The following NAALADL2 variants were observed in gnomAD, a reference collection of about 807,000 sequenced individuals.
NAALADL2 encodes N-acetylated alpha-linked acidic dipeptidase like 2, also known as inactive N-acetylated-alpha-linked acidic dipeptidase-like protein 2.
A neutral mutation model predicts 87.2 loss-of-function variants in NAALADL2; 76 were observed. The ratio of observed to expected loss-of-function variants is 0.87; its 90% CI spans 0.72 to 1.05. The LOEUF (loss-of-function observed/expected upper bound fraction) is 1.05, where lower values mean the gene tolerates loss of function less well. NAALADL2 is among the 50% of genes least tolerant of loss of function. The pLI is 0.00. For synonymous variants in NAALADL2, 354 were observed against 331.0 expected, an observed-to-expected ratio of 1.07 and a Z score of -0.75; for missense variants, 1,089 against 945.8, an observed-to-expected ratio of 1.15 and a Z score of -1.99.
At chr3:174,700,490 A>G (rs560965919) in intron 2 of NAALADL2, among the ~76,000 whole-genome samples, 3 of 152,192 alleles carry the variant, frequency 2.0e-5, no homozygotes, top group Non-Finnish European at 4.4e-5. Context: ...TGGAACAGCC[A>G]TGAGAAAACA....
At chr3:174,565,943 G>T (rs1338157270) in intron 2 of NAALADL2, among the ~76,000 whole-genome samples, 5 of 151,844 alleles carry the variant, frequency 3.3e-5, no homozygotes, top group African/African-American at 1.2e-4. Flanking sequence ...TTTGACTATT[G>T]TTATTTGTCT....
intron 1 of NAALADL2, among the ~76,000 whole-genome samples, chr3:175,090,064 G>C (rs1719791967): frequency 6.6e-6 from 1 of 151,972 alleles, no homozygotes; most frequent in Admixed American, 6.6e-5. Context: ...ATGTAAATTT[G>C]ATAGAAGTAA....
intron 1 of NAALADL2, among the ~76,000 whole-genome samples, chr3:174,866,106 T>C (rs751111782): frequency 2.6e-5 from 4 of 151,870 alleles, no homozygotes; most frequent in Non-Finnish European, 5.9e-5. Flanking sequence ...GGTCTTCAAA[T>C]TATATAGAAA....
At chr3:175,090,821 A>G (rs904801948) in intron 1 of NAALADL2, among the ~76,000 whole-genome samples, 3 of 151,506 alleles carry the variant, frequency 2.0e-5, no homozygotes, top group African/African-American at 4.9e-5. Flanking sequence ...TTTAGTTTAT[A>G]TATCCTATTT....
At chr3:175,671,592 G>T (rs938224973) in intron 11 of NAALADL2, among the ~76,000 whole-genome samples, 4 of 152,096 alleles carry the variant, frequency 2.6e-5, no homozygotes, top group Admixed American at 2.6e-4. Flanking sequence ...ATTCTCTGAT[G>T]ATTTGTGTCT....
intron 1 of NAALADL2, among the ~76,000 whole-genome samples, chr3:174,999,088 C>G (rs568820923): frequency 9.2e-5 from 14 of 152,192 alleles, no homozygotes; most frequent in Admixed American, 7.9e-4. Context: ...GATACATTTA[C>G]TACTGGTTTT....
intron 2 of NAALADL2, among the ~76,000 whole-genome samples, chr3:174,663,784 TTTTTTTTTTC>T (rs918678153): frequency 1.7e-5 from 2 of 119,012 alleles, no homozygotes; most frequent in Admixed American, 1.1e-4. Context: ...ACTGGATTTC[TTTTTTTTTTC>T]TTTTTTTTTT....
At chr3:175,373,564 G>A (rs1766760473) in intron 5 of NAALADL2, among the ~76,000 whole-genome samples, 2 of 152,010 alleles carry the variant, frequency 1.3e-5, no homozygotes, top group Non-Finnish European at 2.9e-5. Flanking sequence ...CCATTCTTTT[G>A]CTAATTGTCA....
rs1225796416 is a variant in NAALADL2 at position 175,199,844 on chromosome 3, A to G, written c.546-34087A>G. On this transcript the variant is annotated intron_variant, in intron 2 of 13. Transcript: ENST00000454872. ...AATATATATATATATATATATATAT[A>G]TATATATATATATATATATATTTTT... Among the ~76,000 whole-genome samples the G allele has an allele frequency of 6.9e-4, 11 of 15,830 alleles. 1 individual carries two copies. The highest frequency in any genetic ancestry group is 2.6e-3 in the African/African-American group (9 of 3,446). 10.4% of individuals were successfully genotyped at this position (15,830 alleles called of 152,430 possible).
intron 2 of NAALADL2, among the ~76,000 whole-genome samples, chr3:174,697,504 C>T (rs1367686332): frequency 6.6e-6 from 1 of 151,990 alleles, no homozygotes; most frequent in Non-Finnish European, 1.5e-5. Context: ...TTTTCACACA[C>T]AATAAACAGG....
At chr3:175,759,100 A>G (rs1747650433) in intron 13 of NAALADL2, among the ~76,000 whole-genome samples, 1 of 152,142 alleles carries the variant, frequency 6.6e-6, no homozygotes, top group Admixed American at 6.6e-5. Flanking sequence ...TTTGAATCCT[A>G]TGATGTTGCA....
chr3:175,458,598 A>G (rs1722671548), intron 6 of NAALADL2, among the ~76,000 whole-genome samples: 1 of 148,786 alleles, frequency 6.7e-6, no homozygotes, highest in Non-Finnish European at 1.5e-5. Flanking sequence ...TAAATTATAT[A>G]TATATAAAAC....
At position 175,225,914 on chromosome 3, in the gene NAALADL2, G is replaced by C. The variant is rs547768608; in HGVS notation, c.546-8017G>C. Among the ~76,000 whole-genome samples the C allele has an allele frequency of 2.6e-5, 4 of 152,234 alleles. No individual in the cohort carries two copies. In the South Asian group the frequency reaches 8.3e-4, roughly 32 times the overall value. On this transcript the variant is annotated intron_variant, in intron 2 of 13. Coordinates refer to ENST00000454872, the MANE Select transcript of NAALADL2 (RefSeq NM_207015.3). The stretch of plus-strand genomic sequence containing the variant: ...AATGTGTGCAAGAGTGAAAGATGTA[G>C]AGTTATAATACTGGATTTTTTTTCT...
At chr3:175,435,016 T>C (rs76705776) in intron 5 of NAALADL2, among the ~76,000 whole-genome samples, 1,645 of 152,140 alleles carry the variant, frequency 0.011, 28 homozygotes, top group African/African-American at 0.037. Flanking sequence ...TACCAAAGAA[T>C]AGAAATGTTT....
At chr3:175,535,608 G>A (rs371718830) in intron 9 of NAALADL2, among the ~76,000 whole-genome samples, 1 of 152,046 alleles carries the variant, frequency 6.6e-6, no homozygotes, top group East Asian at 1.9e-4. Context: ...CCATCCATTT[G>A]TTTTTGTGGG....
At chr3:175,039,622 T>C (rs1753814780) in intron 1 of NAALADL2, among the ~76,000 whole-genome samples, 1 of 152,074 alleles carries the variant, frequency 6.6e-6, no homozygotes, top group South Asian at 2.1e-4. Context: ...TTTCGTATTC[T>C]TTGTGCTGGA....
In NAALADL2 at chr3:174,954,509, G is replaced by T. The variant is rs150219065; in HGVS notation, c.43+95059G>T. On this transcript the variant is annotated intron_variant, in intron 1 of 13. Transcript: ENST00000454872. ...TATGAAAAAGAATAAAATAGTTGAG[G>T]AGGTAGAGCCATTTGGATGCTAACA... 3.1e-3 allele frequency among the ~76,000 whole-genome samples: 478 copies of T among 152,072 alleles called. 1 individual carries two copies. Among genetic ancestry groups the T allele is most frequent in the African/African-American group, 0.011 (442 of 41,498 alleles).
At chr3:174,841,623 A>G (rs760887030) in intron 3 of NAALADL2, among the ~76,000 whole-genome samples, 6 of 152,280 alleles carry the variant, frequency 3.9e-5, no homozygotes, top group Admixed American at 1.3e-4. Flanking sequence ...TGGAAAGGAC[A>G]CTTCTCTTTT....
At chr3:174,904,596 T>G (rs904467553) in intron 1 of NAALADL2, among the ~76,000 whole-genome samples, 8 of 151,818 alleles carry the variant, frequency 5.3e-5, no homozygotes, top group African/African-American at 1.9e-4. Context: ...ATAGTAAAAG[T>G]AATAGATTGT....
Sources: gnomAD v4.1 joint callset for allele counts (sites outside exome capture counted in the v4.1 genomes callset) on GRCh38, gnomAD v4.1.1 for gene constraint, MANE v1.5 for transcripts, NCBI Gene and HGNC (gene_info 2026-07-23, HGNC 2026-07-21) for gene names.